HS6ST3: variants seen among roughly 807,000 people sequenced by gnomAD.
The protein encoded by HS6ST3 is heparan-sulfate 6-O-sulfotransferase 3.
In HS6ST3, 12 loss-of-function variants were observed where a neutral mutation model predicts 36.7. That is an observed-to-expected ratio of 0.33 (90% CI 0.21 to 0.53). The LOEUF is 0.53. Among genes scored for constraint, HS6ST3 ranks in the 20% least tolerant of loss-of-function variants. The pLI, the probability that HS6ST3 is intolerant of heterozygous loss-of-function variation, is 0.95. For missense variants in HS6ST3, 584 were observed against 640.9 expected, an observed-to-expected ratio of 0.91 and a Z score of 0.96; for synonymous variants, 240 against 257.5, an observed-to-expected ratio of 0.93 and a Z score of 0.65.
intron 1 of HS6ST3, among the ~76,000 whole-genome samples, chr13:96,241,177 C>T (rs2054557843): frequency 6.6e-6 from 1 of 151,808 alleles, no homozygotes; most frequent in Non-Finnish European, 1.5e-5. Flanking sequence ...AAAGAAACGC[C>T]TAATAGAACT....
chr13:96,323,930 G>A (rs1017366464), intron 1 of HS6ST3, among the ~76,000 whole-genome samples: 1 of 152,172 alleles, frequency 6.6e-6, no homozygotes, highest in African/African-American at 2.4e-5. Context: ...ATAAATAGTT[G>A]TTGTCGCAGG....
intron 1 of HS6ST3, among the ~76,000 whole-genome samples, chr13:96,250,261 AC>A (rs2054601943): frequency 6.6e-6 from 1 of 152,004 alleles, no homozygotes; most frequent in Admixed American, 6.6e-5. Flanking sequence ...ACCCCATAAA[AC>A]CCCTGTGGTG....
At chr13:96,460,144 G>A (rs1031156274) in intron 1 of HS6ST3, among the ~76,000 whole-genome samples, 1 of 152,160 alleles carries the variant, frequency 6.6e-6, no homozygotes, top group Admixed American at 6.6e-5. Flanking sequence ...TTCCATGAAA[G>A]AGTGTTATTT....
intron 1 of HS6ST3, among the ~76,000 whole-genome samples, chr13:96,742,038 T>C (rs1876452818): frequency 6.6e-6 from 1 of 152,166 alleles, no homozygotes; most frequent in Non-Finnish European, 1.5e-5. Context: ...TTTAAAGTTA[T>C]ATGAACATCC....
chr13:96,247,239 T>C (rs1475364441), intron 1 of HS6ST3, among the ~76,000 whole-genome samples: 1 of 152,104 alleles, frequency 6.6e-6, no homozygotes. Context: ...AACGTGTCTA[T>C]TGAACAGGTA....
chr13:96,802,926 G>C (rs891991626), intron 1 of HS6ST3, among the ~76,000 whole-genome samples: 4 of 152,104 alleles, frequency 2.6e-5, no homozygotes, highest in South Asian at 2.1e-4. Flanking sequence ...TGCATATTCA[G>C]TTGTGCTGCA....
At chr13:96,351,319 T>A (rs1183521330) in intron 1 of HS6ST3, among the ~76,000 whole-genome samples, 1 of 32,318 alleles carries the variant, frequency 3.1e-5, no homozygotes, top group Non-Finnish European at 5.8e-5. Flanking sequence ...AAGGTGGCAG[T>A]CTTTTTTTTT....
rs58261240 is a variant in HS6ST3, at chr13:96,103,953, G to GT, written c.707+12403dup. On this transcript the variant is annotated intron_variant, in intron 1 of 1. Transcript: ENST00000376705. ...TTTGGCATAGATCAAGGTTTGAGGT[G>GT]TTTTTTTTTTTTTTTTTTTCCCATT... Among the ~76,000 whole-genome samples the GT allele has an allele frequency of 4.2e-3, 615 of 145,606 alleles. 7 individuals carry two copies. The highest frequency in any genetic ancestry group is 0.022 in the Middle Eastern group (6 of 270).
intron 1 of HS6ST3, among the ~76,000 whole-genome samples, chr13:96,644,923 A>G (rs1229644263): frequency 6.6e-6 from 1 of 152,004 alleles, no homozygotes; most frequent in Non-Finnish European, 1.5e-5. Flanking sequence ...GATCTCTAAG[A>G]AAATTTTTTC....
intron 1 of HS6ST3, among the ~76,000 whole-genome samples, chr13:96,569,665 G>C (rs1009156546): frequency 6.6e-6 from 1 of 152,044 alleles, no homozygotes; most frequent in Non-Finnish European, 1.5e-5. Context: ...TAAGTGGTAA[G>C]ATCTGGGAAA....
intron 1 of HS6ST3, among the ~76,000 whole-genome samples, chr13:96,436,128 A>G (rs1037205977): frequency 2.6e-5 from 4 of 152,180 alleles, no homozygotes; most frequent in Non-Finnish European, 5.9e-5. Flanking sequence ...TGTGTCTCCT[A>G]CATCACTCTG....
chr13:96,679,225 C>T (rs571099494), intron 1 of HS6ST3, among the ~76,000 whole-genome samples: 9 of 151,006 alleles, frequency 6.0e-5, no homozygotes, highest in East Asian at 2.0e-4. Context: ...TCTCTGGGTT[C>T]GAAGCATCAG....
chr13:96,515,458 G>A (rs2056068591), intron 1 of HS6ST3, among the ~76,000 whole-genome samples: 1 of 152,186 alleles, frequency 6.6e-6, no homozygotes, highest in African/African-American at 2.4e-5. Context: ...CACATGCAGA[G>A]CACATTCACG....
intron 1 of HS6ST3, among the ~76,000 whole-genome samples, chr13:96,651,362 C>A (rs141136239): frequency 6.6e-6 from 1 of 152,158 alleles, no homozygotes; most frequent in Non-Finnish European, 1.5e-5. Flanking sequence ...AAAATGCCTT[C>A]TATCCAGCAT....
intron 1 of HS6ST3, among the ~76,000 whole-genome samples, chr13:96,274,438 G>T (rs2054737465): frequency 6.6e-6 from 1 of 152,048 alleles, no homozygotes; most frequent in South Asian, 2.1e-4. Context: ...GGTGAGTGGG[G>T]TGCTAGGAAG....
chr13:96,145,319 T>C (rs2054052253), intron 1 of HS6ST3, among the ~76,000 whole-genome samples: 1 of 150,214 alleles, frequency 6.7e-6, no homozygotes, highest in East Asian at 2.0e-4. Flanking sequence ...GCACCTGTTG[T>C]TTCCTGACTT....
intron 1 of HS6ST3, among the ~76,000 whole-genome samples, chr13:96,381,007 C>T (rs1343004524): frequency 6.6e-6 from 1 of 152,152 alleles, no homozygotes; most frequent in African/African-American, 2.4e-5. Flanking sequence ...ATAGCTTGAG[C>T]TGGACATATC....
At chr13:96,699,893 A>T (rs1413480390) in intron 1 of HS6ST3, among the ~76,000 whole-genome samples, 1 of 152,246 alleles carries the variant, frequency 6.6e-6, no homozygotes, top group Non-Finnish European at 1.5e-5. Context: ...CAAACACAAA[A>T]TACAAAATAC....
intron 1 of HS6ST3, among the ~76,000 whole-genome samples, chr13:96,194,526 T>G (rs9525145): frequency 0.38 from 58,393 of 151,894 alleles, 11,795 homozygotes; most frequent in Non-Finnish European, 0.46. Context: ...TGATGTGATA[T>G]CTTGATATAC....
Sources: allele counts gnomAD v4.1 joint callset (sites outside exome capture counted in the v4.1 genomes callset), GRCh38; gene constraint gnomAD v4.1.1; transcripts MANE v1.5; gene names NCBI Gene and HGNC (gene_info 2026-07-23, HGNC 2026-07-21).